Variants in PGM3 observed in about 807,000 individuals in gnomAD.
PGM3 encodes phosphoglucomutase 3.
PGM3 carries 40 observed loss-of-function variants against 66.2 expected under a neutral mutation model. That is an observed-to-expected ratio of 0.60 (90% CI 0.47 to 0.79). PGM3 has a LOEUF of 0.79. Ranked by LOEUF, PGM3 falls within the 30% of genes least tolerant of loss-of-function variation. The pLI is 0.00. For missense variants in PGM3, 537 were observed against 643.4 expected, an observed-to-expected ratio of 0.83 and a Z score of 1.79; for synonymous variants, 191 against 224.2, an observed-to-expected ratio of 0.85 and a Z score of 1.32.
At chr6:83,169,870 C>A in intron 12 of PGM3, 1 of 436,858 alleles carries the variant, frequency 2.3e-6, no homozygotes, top group Non-Finnish European at 4.5e-6. Context: ...CAGAGTAAGG[C>A]TGTCATTTAA....
chr6:83,156,037 A>C, the PGM3 span: 1 of 1,614,096 alleles, frequency 6.2e-7, no homozygotes, highest in Non-Finnish European at 8.5e-7. Flanking sequence ...GCTTCTTAAA[A>C]GATTAGCATT....
At chr6:83,193,379 C>T (rs1789336447), upstream of PGM3, 1 of 152,316 alleles carries the variant, frequency 6.6e-6, no homozygotes, top group Admixed American at 6.5e-5. Context: ...CAGCTGGCGC[C>T]TGAGGAACTG....
In PGM3 at chr6:83,167,185, C is replaced by T. The variant is rs979859352; in HGVS notation, c.*2049G>A. The T allele has an allele frequency of 4.5e-6, 4 of 890,290 alleles. No individual in the cohort carries two copies. The highest frequency in any genetic ancestry group is 2.7e-6 in the Non-Finnish European group (2 of 743,260). 55.1% of individuals were successfully genotyped at this position (890,290 alleles called of 1,614,324 possible). ...CTGTCCCATTTTATAAGTGAGGAAC[C>T]TTTGTATATCCTGCCCAAGGGTGCC... On this transcript the variant is annotated 3_prime_UTR_variant, in exon 13 of 13. Transcript: ENST00000513973.
chr6:83,156,120 C>T, the PGM3 span: 2 of 1,591,934 alleles, frequency 1.3e-6, no homozygotes, highest in Non-Finnish European at 1.7e-6. Flanking sequence ...AATGAAAAAC[C>T]CTTTATTTTT....
downstream of PGM3, among the ~76,000 whole-genome samples, chr6:83,160,158 CAGAT>C (rs1783898612): frequency 6.6e-6 from 1 of 152,188 alleles, no homozygotes; most frequent in African/African-American, 2.4e-5. Flanking sequence ...ATTCAGTCAA[CAGAT>C]TGAGTACCTC....
chr6:83,174,025 C>T (rs111533598), intron 10 of PGM3, among the ~76,000 whole-genome samples: 1,700 of 152,138 alleles, frequency 0.011, 41 homozygotes, highest in African/African-American at 0.037. Flanking sequence ...CATGAGCCAC[C>T]GTGCCTGGCC....
chr6:83,173,754 T>G (rs556032453), intron 10 of PGM3, among the ~76,000 whole-genome samples: 1 of 152,310 alleles, frequency 6.6e-6, no homozygotes, highest in South Asian at 2.1e-4. Context: ...TGTTTGTTTT[T>G]GAGACAGAGT....
At chr6:83,160,037 A>C, downstream of PGM3, 1 of 1,432,546 alleles carries the variant, frequency 7.0e-7, no homozygotes, top group Non-Finnish European at 9.5e-7. Flanking sequence ...ATGACTAATT[A>C]AAAAGTTTTT....
intron 7 of PGM3, 119 bp from the exon 8 acceptor site, chr6:83,178,875 GC>G: frequency 1.5e-6 from 1 of 668,684 alleles, no homozygotes; most frequent in Non-Finnish European, 2.7e-6. Context: ...CTTAGTTTAT[GC>G]CAAAAATGTC....
intron 10 of PGM3, among the ~76,000 whole-genome samples, chr6:83,173,958 G>A (rs182573903): frequency 9.9e-5 from 15 of 151,896 alleles, no homozygotes; most frequent in Admixed American, 6.5e-4. Context: ...GGAGGGTCTC[G>A]ATCTCCTGAC....
At chr6:83,154,202 C>G in the PGM3 span, 4 of 1,613,908 alleles carry the variant, frequency 2.5e-6, no homozygotes, top group Non-Finnish European at 3.4e-6. Flanking sequence ...TATGGACAAT[C>G]TGATGACACA....
At position 83,188,209 on chromosome 6, in the gene PGM3, G is replaced by A. The variant is rs188240168; in HGVS notation, c.389+405C>T. ...TAGTTTACAGTGAGCTCCAGCATGG[G>A]AAAATGATATAAATATTTGAAACAA... On this transcript the variant is annotated intron_variant, in intron 3 of 12. Transcript: ENST00000513973. 2.4e-3 allele frequency among the ~76,000 whole-genome samples: 364 copies of A among 152,104 alleles called. 1 individual carries two copies. Among genetic ancestry groups the A allele is most frequent in the Non-Finnish European group, 4.3e-3 (293 of 68,006 alleles).
At chr6:83,162,773 C>CTTACTGAT (rs747367516), downstream of PGM3, 14 of 1,596,704 alleles carry the variant, frequency 8.8e-6, no homozygotes, top group Non-Finnish European at 1.2e-5. Context: ...ATGCTGATGT[C>CTTACTGAT]ATTATTCTAT....
At chr6:83,153,484 T>A in the PGM3 span, 2 of 1,491,250 alleles carry the variant, frequency 1.3e-6, no homozygotes, top group Non-Finnish European at 1.8e-6. Flanking sequence ...CCTCATATGT[T>A]ACTCTTCATT....
Position 83,168,567 on chromosome 6 carries a change from A to T in PGM3, c.*667T>A. ...GGTATCAGAATGGTGTTCCTTCTCC[A>T]TCAGAGGCTGGGAAACGTATTATAA... On this transcript the variant is annotated 3_prime_UTR_variant, in exon 13 of 13. Transcript: ENST00000513973. The T allele has an allele frequency of 2.0e-6, 2 of 998,272 alleles. No individual in the cohort carries two copies. The highest frequency in any genetic ancestry group is 2.4e-6 in the Non-Finnish European group (2 of 838,272). 61.8% of individuals were successfully genotyped at this position (998,272 alleles called of 1,614,324 possible). A position where few individuals can be genotyped will look rare whatever the true frequency, so the allele number is the denominator to read the frequency against.
Position 83,178,767 on chromosome 6 carries a change from A to G in PGM3, c.946-11T>C. On this transcript the variant is annotated splice_polypyrimidine_tract_variant and intron_variant, in intron 7 of 12. Coordinates refer to ENST00000513973, the MANE Select transcript of PGM3 (RefSeq NM_015599.3). Reference sequence around the variant, plus strand: ...CAAACTTTCTCCAATCTAGACAAAAACAATGATACTTAACTTGCCATCAAA... The same window carrying G: ...CAAACTTTCTCCAATCTAGACAAAAGCAATGATACTTAACTTGCCATCAAA... The G allele has an allele frequency of 7.0e-7, 1 of 1,418,762 alleles. No individual in the cohort carries two copies. Among genetic ancestry groups the G allele is most frequent in the Non-Finnish European group, 1.0e-6 (1 of 1,001,602 alleles). 87.9% of individuals were successfully genotyped at this position (1,418,762 alleles called of 1,614,324 possible).
chr6:83,193,822 C>T (rs1294767413), upstream of PGM3: 1 of 152,702 alleles, frequency 6.5e-6, no homozygotes, highest in African/African-American at 2.4e-5. Flanking sequence ...ACACCCCCTA[C>T]CCTTATCCTG....
Position 83,168,533 on chromosome 6 carries a change from C to T in PGM3, c.*701G>A. On this transcript the variant is annotated 3_prime_UTR_variant, in exon 13 of 13. Coordinates refer to ENST00000513973, the MANE Select transcript of PGM3 (RefSeq NM_015599.3). ...GGGATTTTTCTCTTTTCCTTATTAA[C>T]CATGTTCTGGTATCAGAATGGTGTT... 7.9e-6 allele frequency: 8 copies of T among 1,006,762 alleles called. No homozygotes were observed. The highest frequency in any genetic ancestry group is 8.3e-6 in the Non-Finnish European group (7 of 843,792). The allele number at this position is 1,006,762 out of a possible 1,614,324, so 62.4% of individuals were successfully genotyped here.
At chr6:83,183,878 G>A (rs1025946857) in intron 4 of PGM3, among the ~76,000 whole-genome samples, 16 of 151,978 alleles carry the variant, frequency 1.1e-4, no homozygotes, top group African/African-American at 3.4e-4. Context: ...ACCACGCCCG[G>A]CTAATTTTTG....
Sources: gnomAD v4.1 joint callset for allele counts (sites outside exome capture counted in the v4.1 genomes callset) on GRCh38, gnomAD v4.1.1 for gene constraint, MANE v1.5 for transcripts, NCBI Gene and HGNC (gene_info 2026-07-23, HGNC 2026-07-21) for gene names.